GUCY2C: variants seen among roughly 807,000 people sequenced by gnomAD.
The protein encoded by GUCY2C is guanylate cyclase 2C.
In GUCY2C, 118 loss-of-function variants were observed where a neutral mutation model predicts 131.1. The observed-to-expected ratio is 0.90, with a 90% CI of 0.78 to 1.05. The LOEUF (loss-of-function observed/expected upper bound fraction) is 1.05. Ranked by LOEUF, GUCY2C falls within the 50% of genes least tolerant of loss-of-function variation. GUCY2C has a pLI of 0.00. For synonymous variants in GUCY2C, 452 were observed against 457.8 expected, an observed-to-expected ratio of 0.99 and a Z score of 0.16; for missense variants, 1,161 against 1,304.4, an observed-to-expected ratio of 0.89 and a Z score of 1.69.
At chr12:14,659,167 C>T (rs1947816693) in intron 11 of GUCY2C, among the ~76,000 whole-genome samples, 1 of 152,010 alleles carries the variant, frequency 6.6e-6, no homozygotes, top group South Asian at 2.1e-4. Flanking sequence ...CCTCAGCCTC[C>T]TGAGTAGCTG....
intron 2 of GUCY2C, 90 bp from the exon 3 acceptor site, chr12:14,686,315 GT>G: frequency 2.1e-6 from 2 of 934,446 alleles, no homozygotes; most frequent in Non-Finnish European, 3.4e-6. Context: ...GCTCCCAGAG[GT>G]TTAGAAAGTT....
chr12:14,653,669 A>T (rs1947709789), intron 12 of GUCY2C, among the ~76,000 whole-genome samples: 1 of 152,190 alleles, frequency 6.6e-6, no homozygotes. Flanking sequence ...TGGTCCAAAG[A>T]CAGAGAAAAG....
Position 14,686,216 on chromosome 12 carries a change from G to T in GUCY2C, c.340C>A (p.Arg114=), listed in dbSNP as rs376869445. ...GGCCCTATGAGGACACAGCCCATCC[G>T]TTGTGCATTCTGTAGGAGAGAAAAC... ...DLLRKISNAQ[R]MGCVLIGPSC... Residue 114 remains arginine (R), a synonymous_variant, in exon 3 of 27, where the codon CGG becomes AGG. Transcript: ENST00000261170. 6.2e-7 allele frequency: 1 copy of T among 1,604,478 alleles called. No homozygotes were observed. The highest frequency in any genetic ancestry group is 8.5e-7 in the Non-Finnish European group (1 of 1,171,284).
intron 11 of GUCY2C, among the ~76,000 whole-genome samples, chr12:14,656,836 C>T (rs531293706): frequency 5.9e-5 from 9 of 152,256 alleles, no homozygotes; most frequent in East Asian, 3.9e-4. Flanking sequence ...TGGCCCTCAA[C>T]GTTTTTGACA....
chr12:14,649,830 A>T (rs1333557179), intron 15 of GUCY2C, among the ~76,000 whole-genome samples: 2 of 152,192 alleles, frequency 1.3e-5, no homozygotes, highest in African/African-American at 2.4e-5. Flanking sequence ...ATACCAATTA[A>T]TAGAGCCTAG....
intron 7 of GUCY2C, 115 bp from the exon 8 acceptor site, chr12:14,674,875 G>C: frequency 1.3e-6 from 1 of 778,148 alleles, no homozygotes; most frequent in East Asian, 2.5e-5. Flanking sequence ...AGGGATATCA[G>C]GGGAATTGAA....
chr12:14,667,560 G>A (rs1215533201), intron 10 of GUCY2C, among the ~76,000 whole-genome samples: 7 of 152,256 alleles, frequency 4.6e-5, no homozygotes, highest in African/African-American at 1.4e-4. Context: ...AACTAGAAAC[G>A]CAGGTATAGC....
rs1000331880 is a variant in GUCY2C, at chr12:14,626,031, A to G, written c.2250-116T>C. The G allele has an allele frequency of 8.8e-6, 6 of 684,522 alleles. No homozygotes were observed. In the African/African-American group the frequency reaches 1.1e-4, roughly 12 times the overall value. 42.4% of individuals were successfully genotyped at this position (684,522 alleles called of 1,614,324 possible). A position where few individuals can be genotyped will look rare whatever the true frequency, so the allele number is the denominator to read the frequency against. ...ATTAAACAAAGAAAAATAAAAGCCA[A>G]CAAACATAACAAAAAAACTCAACCT... On this transcript the variant is annotated intron_variant, in intron 20 of 26. Transcript: ENST00000261170.
At chr12:14,623,749 A>G (rs988151891) in intron 21 of GUCY2C, among the ~76,000 whole-genome samples, 1 of 152,032 alleles carries the variant, frequency 6.6e-6, no homozygotes, top group African/African-American at 2.4e-5. Context: ...GTGAGTTCTC[A>G]TGAGATCTAG....
intron 10 of GUCY2C, among the ~76,000 whole-genome samples, chr12:14,662,013 C>T (rs1947877206): frequency 6.6e-6 from 1 of 152,066 alleles, no homozygotes; most frequent in Admixed American, 6.6e-5. Flanking sequence ...CAAAGGAATA[C>T]TCCTACACAG....
At position 14,696,566 on chromosome 12, in the gene GUCY2C, C is replaced by T. The variant is rs933094927; in HGVS notation, c.-118G>A. On this transcript the variant is annotated 5_prime_UTR_variant, in exon 1 of 27. Transcript: ENST00000261170. ...TAGTGGAGTCCCTCAGCCCACTCTTCCCCACGCTTCTCTCTGGTCATGCCC... is the reference window on the plus strand; with the variant it reads ...TAGTGGAGTCCCTCAGCCCACTCTTTCCCACGCTTCTCTCTGGTCATGCCC... 9.9e-6 allele frequency: 7 copies of T among 708,170 alleles called. No individual in the cohort carries two copies. The East Asian group carries it at 1.9e-4, about 19-fold the overall frequency. The allele number at this position is 708,170 out of a possible 1,614,324, so 43.9% of individuals were successfully genotyped here.
At chr12:14,617,311 C>G (rs1324290790) in intron 24 of GUCY2C, among the ~76,000 whole-genome samples, 1 of 152,160 alleles carries the variant, frequency 6.6e-6, no homozygotes, top group Non-Finnish European at 1.5e-5. Flanking sequence ...GAAATATAAT[C>G]TCACGTGGGA....
At chr12:14,658,765 A>T (rs1444176180) in intron 11 of GUCY2C, among the ~76,000 whole-genome samples, 1 of 152,046 alleles carries the variant, frequency 6.6e-6, no homozygotes, top group African/African-American at 2.4e-5. Context: ...CATTTAAAAC[A>T]TTTAAAACTC....
At chr12:14,679,583 G>C (rs1014510380) in intron 6 of GUCY2C, 74 bp downstream of exon 6, 9 of 783,182 alleles carry the variant, frequency 1.1e-5, no homozygotes, top group Non-Finnish European at 2.1e-5. Flanking sequence ...AGAGAAAAGA[G>C]AATGTGCCTT....
At chr12:14,660,303 A>T (rs1947843051) in intron 11 of GUCY2C, among the ~76,000 whole-genome samples, 1 of 152,182 alleles carries the variant, frequency 6.6e-6, no homozygotes, top group Admixed American at 6.5e-5. Flanking sequence ...GTATTTACTC[A>T]CTCATTTATG....
chr12:14,633,665 T>TAAA (rs71038616), intron 19 of GUCY2C, among the ~76,000 whole-genome samples: 1 of 150,990 alleles, frequency 6.6e-6, no homozygotes, highest in Non-Finnish European at 1.5e-5. Context: ...TACAAAGAAA[T>TAAA]AAAAAAAATT....
intron 19 of GUCY2C, among the ~76,000 whole-genome samples, chr12:14,631,050 A>G (rs1391656093): frequency 6.6e-6 from 1 of 152,122 alleles, no homozygotes; most frequent in Non-Finnish European, 1.5e-5. Flanking sequence ...TCAACATACT[A>G]TTACTATTGA....
chr12:14,661,606 T>C (rs1947868201), intron 10 of GUCY2C, among the ~76,000 whole-genome samples: 1 of 151,436 alleles, frequency 6.6e-6, no homozygotes, highest in African/African-American at 2.4e-5. Flanking sequence ...GCCCGGATAA[T>C]TTTTGTATTT....
chr12:14,619,248 C>G lies in GUCY2C; in HGVS notation c.2838G>C (p.Thr946=), dbSNP rs760835568. The G allele has an allele frequency of 5.0e-6, 8 of 1,612,098 alleles. No individual in the cohort carries two copies. Among genetic ancestry groups the G allele is most frequent in the Admixed American group, 1.7e-5 (1 of 59,984 alleles). Residue 946 remains threonine, a synonymous_variant, in exon 24 of 27, where the codon ACG becomes ACC. Transcript: ENST00000261170. ...ATTCCATCCTAGAGGCTGTGTTGAC[C>G]GTATCTCCAAATAGACAATAACGAG... ...KMPRYCLFGD[T]VNTASRMEST... is the part of the protein sequence containing the mutation.
Sources: allele counts gnomAD v4.1 joint callset (sites outside exome capture counted in the v4.1 genomes callset), GRCh38; gene constraint gnomAD v4.1.1; transcripts MANE v1.5; gene names NCBI Gene and HGNC (gene_info 2026-07-23, HGNC 2026-07-21).